The following ITSN1 variants were observed in gnomAD, a reference collection of about 807,000 sequenced individuals.
ITSN1 encodes intersectin 1, also known as intersectin-1.
ITSN1 carries 58 observed loss-of-function variants against 239.8 expected under a neutral mutation model. The observed-to-expected ratio is 0.24, with a 90% confidence interval of 0.20 to 0.30. The LOEUF (loss-of-function observed/expected upper bound fraction) is 0.30. Among genes scored for constraint, ITSN1 ranks in the 10% least tolerant of loss-of-function variants. The pLI, the probability that ITSN1 is intolerant of heterozygous loss-of-function variation, is 1.00. For synonymous variants in ITSN1, 780 were observed against 770.8 expected, an observed-to-expected ratio of 1.01 and a Z score of -0.20; for missense variants, 1,558 against 2,103.3, an observed-to-expected ratio of 0.74 and a Z score of 5.07.
chr21:33,652,075 GATA>G (rs2088589348), intron 1 of ITSN1, among the ~76,000 whole-genome samples: 1 of 152,150 alleles, frequency 6.6e-6, no homozygotes, highest in African/African-American at 2.4e-5. Flanking sequence ...ACCATCCAGT[GATA>G]ATGACTGTTA....
intron 6 of ITSN1, 78 bp from the exon 7 acceptor site, chr21:33,751,732 G>C (rs887509169): frequency 2.8e-6 from 3 of 1,082,712 alleles, no homozygotes; most frequent in East Asian, 4.9e-5. Context: ...TTTGTTGACT[G>C]TGCATTTTAA....
intron 1 of ITSN1, among the ~76,000 whole-genome samples, chr21:33,661,091 C>G: frequency 6.6e-6 from 1 of 152,182 alleles, no homozygotes; most frequent in African/African-American, 2.4e-5. Context: ...ACCCCAAATT[C>G]AAATTTTATC....
Position 33,877,059 on chromosome 21 carries a change from C to CTTTTTTTTTTTTTTTTTTTTTTTTTTTTT in ITSN1, c.4341+1550_4341+1551insTTTTTTTTTTTTTTTTTTTTTTTTTTTTT, listed in dbSNP as rs10529259. 1.7e-4 allele frequency among the ~76,000 whole-genome samples: 18 copies of CTTTTTTTTTTTTTTTTTTTTTTTTTTTTT among 106,404 alleles called. 8 individuals are homozygous for CTTTTTTTTTTTTTTTTTTTTTTTTTTTTT. The highest frequency in any genetic ancestry group is 6.2e-3 in the Middle Eastern group (1 of 162). 69.8% of individuals were successfully genotyped at this position (106,404 alleles called of 152,430 possible). A position where few individuals can be genotyped will look rare whatever the true frequency, so the allele number is the denominator to read the frequency against. Reference sequence around the variant, plus strand: ...TCCTTAGAACTTTACCTGTGGGCACCTTTTTTTTTTTTGAAATGGAGTCTC... The same window carrying CTTTTTTTTTTTTTTTTTTTTTTTTTTTTT: ...TCCTTAGAACTTTACCTGTGGGCACCTTTTTTTTTTTTTTTTTTTTTTTTTTTTTTTTTTTTTTTTTGAAATGGAGTCTC... On this transcript the variant is annotated intron_variant, in intron 34 of 39. Coordinates refer to ENST00000381318, the MANE Select transcript of ITSN1 (RefSeq NM_003024.3).
chr21:33,709,944 T>G (rs906347301), intron 1 of ITSN1, among the ~76,000 whole-genome samples: 6 of 152,166 alleles, frequency 3.9e-5, no homozygotes, highest in African/African-American at 7.2e-5. Flanking sequence ...TATCCTTGTC[T>G]TCTTCCTGAT....
Position 33,814,033 on chromosome 21 carries a change from C to A in ITSN1, c.2688C>A (p.Ala896=), listed in dbSNP as rs923436820. Residue 896 remains alanine, a synonymous_variant, in exon 22 of 40, where the codon GCC becomes GCA. Coordinates refer to ENST00000381318, the MANE Select transcript of ITSN1 (RefSeq NM_003024.3). ...QLRQRSAFTP[A]TATGSSPSPV... ...GGCAGAGGTCCGCCTTTACTCCAGC[C>A]ACGGCCACTGGCTCCTCCCCGTCTC... 1.7e-5 allele frequency: 27 copies of A among 1,614,054 alleles called. No individual in the cohort carries two copies. Among genetic ancestry groups the A allele is most frequent in the Non-Finnish European group, 2.2e-5 (26 of 1,180,030 alleles).
chr21:33,738,406 A>G (rs2147294323), intron 5 of ITSN1, among the ~76,000 whole-genome samples: 1 of 151,738 alleles, frequency 6.6e-6, no homozygotes, highest in Middle Eastern at 3.4e-3. Flanking sequence ...CAAAGCTACC[A>G]TTTATCTAAA....
chr21:33,682,243 T>G (rs1390711012), intron 1 of ITSN1, among the ~76,000 whole-genome samples: 1 of 151,302 alleles, frequency 6.6e-6, no homozygotes, highest in Non-Finnish European at 1.5e-5. Context: ...GAGATGGAGT[T>G]TCACTCTTGT....
chr21:33,774,110 G>A (rs11911182), intron 12 of ITSN1, among the ~76,000 whole-genome samples: 8 of 152,140 alleles, frequency 5.3e-5, no homozygotes, highest in African/African-American at 1.9e-4. Flanking sequence ...TTATTTAATA[G>A]ACATTTACCA....
In ITSN1 at chr21:33,811,054, A is replaced by T; in HGVS notation, c.2399A>T (p.Tyr800Phe). ...AAGACAGGGTGGTTCCCTGCAAACT[A>T]TGCAGAGAAAATCCCAGAAAATGAG... Reference protein sequence around the residue: ...KGKTGWFPANYAEKIPENEVP... With the variant: ...KGKTGWFPANFAEKIPENEVP... Residue 800 changes from tyrosine (Y) to phenylalanine (F), a missense_variant, in exon 21 of 40, where the codon TAT (tyrosine) becomes TTT (phenylalanine). Tyr to Phe is a conservative substitution (Grantham distance 22). Coordinates refer to ENST00000381318, the MANE Select transcript of ITSN1 (RefSeq NM_003024.3). 1.2e-6 allele frequency: 2 copies of T among 1,614,134 alleles called. No homozygotes were observed. The highest frequency in any genetic ancestry group is 2.2e-5 in the South Asian group (2 of 91,076).
intron 7 of ITSN1, among the ~76,000 whole-genome samples, chr21:33,753,762 A>T (rs1048343389): frequency 5.6e-5 from 4 of 71,646 alleles, no homozygotes; most frequent in East Asian, 3.5e-4. Flanking sequence ...TCTCTTTCTT[A>T]AAAAAAAAAA....
intron 1 of ITSN1, among the ~76,000 whole-genome samples, chr21:33,690,108 A>T (rs1241928513): frequency 6.7e-6 from 1 of 149,522 alleles, no homozygotes; most frequent in African/African-American, 2.5e-5. Flanking sequence ...ACATAGTGAA[A>T]CCTCATCTCT....
In ITSN1 at chr21:33,834,269, G is replaced by A. The variant is rs370402350; in HGVS notation, c.3352-38G>A. On this transcript the variant is annotated intron_variant, in intron 27 of 39. Transcript: ENST00000381318. ...AAGTGAGCTGTATTATAAAAGATGCGCCTTTAAAAATGTTTGATGTAATTA... is the reference window on the plus strand; with the variant it reads ...AAGTGAGCTGTATTATAAAAGATGCACCTTTAAAAATGTTTGATGTAATTA... The A allele has an allele frequency of 1.9e-5, 27 of 1,445,306 alleles. 1 individual carries two copies. In the Middle Eastern group the frequency reaches 1.4e-3, roughly 76 times the overall value. The allele number at this position is 1,445,306 out of a possible 1,614,324, so 89.5% of individuals were successfully genotyped here.
intron 16 of ITSN1, among the ~76,000 whole-genome samples, chr21:33,783,564 TTGGAAG>T (rs911240352): frequency 6.6e-6 from 1 of 152,132 alleles, no homozygotes; most frequent in Non-Finnish European, 1.5e-5. Flanking sequence ...TATGTCAGTA[TTGGAAG>T]TACAGCTGTA....
intron 1 of ITSN1, among the ~76,000 whole-genome samples, chr21:33,672,962 G>A (rs1010477452): frequency 6.6e-6 from 1 of 152,072 alleles, no homozygotes; most frequent in Non-Finnish European, 1.5e-5. Flanking sequence ...CACCTGCCTC[G>A]GCCTCCAAAG....
intron 29 of ITSN1, among the ~76,000 whole-genome samples, chr21:33,844,556 G>A (rs2074928368): frequency 6.6e-6 from 1 of 152,232 alleles, no homozygotes; most frequent in Non-Finnish European, 1.5e-5. Context: ...TAAGGGGCGT[G>A]GGCTGCTGGG....
intron 5 of ITSN1, among the ~76,000 whole-genome samples, chr21:33,747,173 A>T (rs1488584754): frequency 3.3e-5 from 5 of 152,190 alleles, no homozygotes; most frequent in Admixed American, 3.3e-4. Flanking sequence ...ACAAAACCTG[A>T]AAAGTTCAAT....
At chr21:33,658,052 G>T (rs1349108894) in intron 1 of ITSN1, among the ~76,000 whole-genome samples, 1 of 152,140 alleles carries the variant, frequency 6.6e-6, no homozygotes, top group African/African-American at 2.4e-5. Flanking sequence ...TTGTTGACCA[G>T]AAGCCTTACT....
intron 29 of ITSN1, among the ~76,000 whole-genome samples, chr21:33,841,792 A>G (rs985872335): frequency 1.2e-4 from 19 of 152,168 alleles, no homozygotes; most frequent in African/African-American, 4.3e-4. Flanking sequence ...TTGGATGCCA[A>G]TGGTCCCAAA....
chr21:33,723,108 A>G (rs776042190), intron 4 of ITSN1, among the ~76,000 whole-genome samples: 5 of 152,248 alleles, frequency 3.3e-5, no homozygotes, highest in Non-Finnish European at 7.3e-5. Context: ...TTATTTGACT[A>G]TCACAAATAG....
Sources: gnomAD v4.1 joint callset for allele counts (sites outside exome capture counted in the v4.1 genomes callset) on GRCh38, gnomAD v4.1.1 for gene constraint, MANE v1.5 for transcripts, NCBI Gene and HGNC (gene_info 2026-07-23, HGNC 2026-07-21) for gene names.